Variants in MORC1 observed in about 807,000 individuals in gnomAD.
MORC1 encodes the protein MORC family CW-type zinc finger protein 1.
MORC1 carries 59 observed loss-of-function variants against 134.9 expected under a neutral mutation model. That is an observed-to-expected ratio of 0.44 (90% CI 0.35 to 0.54). MORC1 has a LOEUF of 0.54. Ranked by LOEUF, MORC1 falls within the 20% of genes least tolerant of loss-of-function variation. The probability of loss-of-function intolerance (pLI) is 0.00; values close to 1 mark genes in which losing one functional copy is unlikely to be tolerated. For synonymous variants in MORC1, 395 were observed against 391.7 expected (o/e 1.01, Z -0.10); for missense variants, 947 against 1,134.5 (o/e 0.83, Z 2.37).
chr3:109,067,184 T>C lies in MORC1; in HGVS notation c.815+2448A>G, dbSNP rs114305354. On this transcript the variant is annotated intron_variant, in intron 9 of 27. Transcript: ENST00000232603. ...CACAGTAACACCCATCCCAACTCATTTGGGCTCCTTTCAGCATTATGGGTC... is the reference window on the plus strand; with the variant it reads ...CACAGTAACACCCATCCCAACTCATCTGGGCTCCTTTCAGCATTATGGGTC... Among the ~76,000 whole-genome samples the C allele has an allele frequency of 5.9e-3, 906 of 152,302 alleles. 5 individuals are homozygous for C. Among genetic ancestry groups the C allele is most frequent in the African/African-American group, 0.021 (859 of 41,556 alleles).
At chr3:109,008,020 ATTATAC>A (rs1948589081) in intron 17 of MORC1, among the ~76,000 whole-genome samples, 9 of 152,132 alleles carry the variant, frequency 5.9e-5, no homozygotes, top group Admixed American at 5.9e-4. Flanking sequence ...ATGGTAGCAT[ATTATAC>A]ACATGGTCTG....
intron 8 of MORC1, among the ~76,000 whole-genome samples, chr3:109,078,224 C>T (rs1001491659): frequency 1.9e-4 from 29 of 151,870 alleles, no homozygotes; most frequent in African/African-American, 7.0e-4. Flanking sequence ...AATATGTATG[C>T]AAATGAAATG....
At chr3:109,073,137 T>C (rs1301580278) in intron 8 of MORC1, among the ~76,000 whole-genome samples, 1 of 152,206 alleles carries the variant, frequency 6.6e-6, no homozygotes, top group Non-Finnish European at 1.5e-5. Context: ...ATTTAGCCCC[T>C]ACCTGTGGCT....
intron 1 of MORC1, among the ~76,000 whole-genome samples, chr3:109,114,902 A>G (rs535578435): frequency 2.0e-5 from 3 of 152,338 alleles, no homozygotes; most frequent in East Asian, 3.9e-4. Context: ...TGCCTCACCA[A>G]TCTGTATTTT....
Position 109,094,920 on chromosome 3 carries a change from T to G in MORC1, c.572A>C (p.Tyr191Ser). Residue 191 changes from tyrosine (Y) to serine (S), a missense_variant, in exon 7 of 28, where the codon TAT becomes TCT. Tyr to Ser is a moderately radical substitution (Grantham distance 144, BLOSUM62 -2). This residue lies in a region of MORC1 where 214 missense variants were observed against 281.3 expected (regional missense o/e 0.76). Coordinates refer to ENST00000232603, the MANE Select transcript of MORC1 (RefSeq NM_014429.4). The stretch of plus-strand genomic sequence containing the variant: ...TTTGATGATCTTACCACATTTTCCA[T>G]AGATCACATCAAACTGCTGCATCAA... The part of the protein sequence containing the change: ...AELMQQFDVI[Y>S]GKCGTLLVIY... The G allele has an allele frequency of 3.2e-6, 5 of 1,565,294 alleles. No homozygotes were observed. The highest frequency in any genetic ancestry group is 4.3e-6 in the Non-Finnish European group (5 of 1,165,130).
In MORC1 at chr3:109,030,406, C is replaced by T. The variant is rs1477928954; in HGVS notation, c.1565+2314G>A. Among the ~76,000 whole-genome samples the T allele has an allele frequency of 3.3e-5, 5 of 152,124 alleles. No homozygotes were observed. The East Asian group carries it at 5.8e-4, about 18-fold the overall frequency. Reference sequence around the variant, plus strand: ...GTCATCAGAACAATTTCTTCCCCCTCCCTGGGAATCATCATATCTACATCA... The same window carrying T: ...GTCATCAGAACAATTTCTTCCCCCTTCCTGGGAATCATCATATCTACATCA... On this transcript the variant is annotated intron_variant, in intron 16 of 27. Coordinates refer to ENST00000232603, the MANE Select transcript of MORC1 (RefSeq NM_014429.4).
At chr3:109,074,883 T>C (rs1950387233) in intron 8 of MORC1, among the ~76,000 whole-genome samples, 1 of 152,190 alleles carries the variant, frequency 6.6e-6, no homozygotes, top group South Asian at 2.1e-4. Flanking sequence ...TTTAAACAGC[T>C]TCCATATGAA....
At chr3:109,061,846 C>T (rs1950091039) in intron 11 of MORC1, 142 bp downstream of exon 11, 2 of 769,272 alleles carry the variant, frequency 2.6e-6, no homozygotes, top group Non-Finnish European at 4.4e-6. Flanking sequence ...ATTCTGTTTA[C>T]CTGAGTTAAA....
Position 109,035,473 on chromosome 3 carries a change from TAA to T in MORC1, c.1331-7_1331-6del. On this transcript the variant is annotated splice_region_variant and splice_polypyrimidine_tract_variant and intron_variant, in intron 14 of 27. Coordinates refer to ENST00000232603, the MANE Select transcript of MORC1 (RefSeq NM_014429.4). The stretch of plus-strand genomic sequence containing the variant: ...ACAATGTTAAATTTCTATTATCTTT[TAA>T]AAAAAAAAGCAGGCAAAGAATAACA... The T allele has an allele frequency of 1.7e-6, 2 of 1,174,530 alleles. No individual in the cohort carries two copies. Among genetic ancestry groups the T allele is most frequent in the South Asian group, 1.6e-5 (1 of 61,158 alleles). The allele number at this position is 1,174,530 out of a possible 1,614,324, so 72.8% of individuals were successfully genotyped here. A position where few individuals can be genotyped will look rare whatever the true frequency, so the allele number is the denominator to read the frequency against.
chr3:108,975,668 T>G (rs962258682), intron 24 of MORC1, among the ~76,000 whole-genome samples: 3 of 152,174 alleles, frequency 2.0e-5, no homozygotes, highest in African/African-American at 7.2e-5. Flanking sequence ...AAATATCTAT[T>G]TATAGGATTG....
Position 108,985,438 on chromosome 3 carries a change from T to G in MORC1, c.2258-656A>C, listed in dbSNP as rs114206973. Among the ~76,000 whole-genome samples the G allele has an allele frequency of 5.1e-3, 781 of 152,284 alleles. 18 individuals carry two copies. The highest frequency in any genetic ancestry group is 0.018 in the African/African-American group (751 of 41,566). On this transcript the variant is annotated intron_variant, in intron 22 of 27. Coordinates refer to ENST00000232603, the MANE Select transcript of MORC1 (RefSeq NM_014429.4). ...TTATTACAACTGTCCAGATATCTTG[T>G]TCCACCAAGTAAACCTTTACCAAGA...
intron 20 of MORC1, among the ~76,000 whole-genome samples, chr3:109,003,051 C>G (rs930320933): frequency 2.0e-5 from 3 of 152,066 alleles, no homozygotes; most frequent in African/African-American, 7.2e-5. Flanking sequence ...GAAGATGTTC[C>G]TGTCCTATCA....
At chr3:109,038,328 C>T (rs941158911) in intron 14 of MORC1, among the ~76,000 whole-genome samples, 20 of 146,864 alleles carry the variant, frequency 1.4e-4, no homozygotes, top group Non-Finnish European at 2.1e-4. Flanking sequence ...TTTGTAGATT[C>T]TGATATTAGT....
chr3:109,100,620 T>G, intron 4 of MORC1, 113 bp from the exon 5 acceptor site: 5 of 799,908 alleles, frequency 6.3e-6, no homozygotes, highest in Non-Finnish European at 4.3e-6. Flanking sequence ...CCATAGCTCT[T>G]GGGTCAGCCC....
chr3:109,028,034 G>A lies in MORC1; in HGVS notation c.1566-145C>T. 4 of 884,220 alleles carry A rather than the reference G, an allele frequency of 4.5e-6. No homozygotes were observed. The South Asian group carries it at 7.6e-5, about 17-fold the overall frequency. 54.8% of individuals were successfully genotyped at this position (884,220 alleles called of 1,614,324 possible). A position where few individuals can be genotyped will look rare whatever the true frequency, so the allele number is the denominator to read the frequency against. On this transcript the variant is annotated intron_variant, in intron 16 of 27. Transcript: ENST00000232603. Reference sequence around the variant, plus strand: ...TAGGAAGGAAAAGCATTGTATCCGTGGCTTTCGATAACAAATAACCTTACA... The same window carrying A: ...TAGGAAGGAAAAGCATTGTATCCGTAGCTTTCGATAACAAATAACCTTACA...
chr3:108,987,080 CT>C lies in MORC1; in HGVS notation c.2188-132del, dbSNP rs1430505904. 1.8e-5 allele frequency: 10 copies of C among 556,026 alleles called. No homozygotes were observed. In the African/African-American group the frequency reaches 1.9e-4, roughly 11 times the overall value. The allele number at this position is 556,026 out of a possible 1,614,324, so 34.4% of individuals were successfully genotyped here. ...ATGTTAGCAGCAGTAAAGCTATGCA[CT>C]TTTTATAAAGGGAACAAATGGTACA... On this transcript the variant is annotated intron_variant, in intron 21 of 27. Transcript: ENST00000232603.
chr3:109,099,517 G>T, intron 5 of MORC1, 51 bp from the exon 6 acceptor site: 2 of 1,349,992 alleles, frequency 1.5e-6, no homozygotes, highest in Non-Finnish European at 1.0e-6. Context: ...TACTAAAAAG[G>T]AAGAAACAGG....
chr3:109,015,109 C>T (rs1948786161), intron 17 of MORC1, among the ~76,000 whole-genome samples: 1 of 152,088 alleles, frequency 6.6e-6, no homozygotes, highest in Admixed American at 6.5e-5. Flanking sequence ...GTTTCGAACT[C>T]CTGACCTCAA....
At chr3:108,970,483 G>A (rs115729311) in intron 25 of MORC1, among the ~76,000 whole-genome samples, 1,570 of 152,226 alleles carry the variant, frequency 0.01, 15 homozygotes, top group Non-Finnish European at 0.013. Context: ...GAAGCCCCAC[G>A]GGAGAGGATG....
Sources: gnomAD v4.1 joint callset for allele counts (sites outside exome capture counted in the v4.1 genomes callset) on GRCh38, gnomAD v4.1.1 for gene constraint, gnomAD v4.1.1 regional missense constraint, MANE v1.5 for transcripts, NCBI Gene and HGNC (gene_info 2026-07-23, HGNC 2026-07-21) for gene names.